ADCY4: variants seen among roughly 807,000 people sequenced by gnomAD.
ADCY4 encodes the protein adenylate cyclase type 4.
A neutral mutation model predicts 125.5 loss-of-function variants in ADCY4; 111 were observed. The observed-to-expected ratio is 0.88, with a 90% CI of 0.76 to 1.04. ADCY4 has a LOEUF of 1.04. Among genes scored for constraint, ADCY4 ranks in the 50% least tolerant of loss-of-function variants. The probability of loss-of-function intolerance (pLI) is 0.00; values close to 1 mark genes in which losing one functional copy is unlikely to be tolerated. For synonymous variants in ADCY4, 576 were observed against 586.9 expected (o/e 0.98, Z 0.27); for missense variants, 1,256 against 1,382.9 (o/e 0.91, Z 1.46).
chr14:24,319,626 G>C lies in ADCY4; in HGVS notation c.2733+116C>G, dbSNP rs2041822176. 7.3e-7 allele frequency: 1 copy of C among 1,365,408 alleles called. No individual in the cohort carries two copies. Among genetic ancestry groups the C allele is most frequent in the Admixed American group, 1.8e-5 (1 of 54,272 alleles). 84.6% of individuals were successfully genotyped at this position (1,365,408 alleles called of 1,614,324 possible). On this transcript the variant is annotated intron_variant, in intron 21 of 24. Coordinates refer to ENST00000418030, the MANE Select transcript of ADCY4 (RefSeq NM_001198568.2). The surrounding 1 kb of genome is among the most constrained non-coding windows in gnomAD (Gnocchi z 4.5). Reference sequence around the variant, plus strand: ...ATCTGGGGGATCAGAGGAGGTGAGGGAGTACTGTGGAGGGGAGGATTGACT... The same window carrying C: ...ATCTGGGGGATCAGAGGAGGTGAGGCAGTACTGTGGAGGGGAGGATTGACT...
intron 15 of ADCY4, 21 bp downstream of exon 15, chr14:24,324,286 C>T (rs1387576825): frequency 1.2e-6 from 2 of 1,613,970 alleles, no homozygotes; most frequent in African/African-American, 2.7e-5. Context: ...CATACCACTT[C>T]CACCCCTCAG....
chr14:24,331,209 T>C lies in ADCY4; in HGVS notation c.817A>G (p.Ser273Gly). Residue 273 changes from serine to glycine, a missense_variant and splice_region_variant, in exon 5 of 25, where the codon AGC becomes GGC. Coordinates refer to ENST00000418030, the MANE Select transcript of ADCY4 (RefSeq NM_001198568.2). ...SLYVKRHQGVSVLYADIVGFT... is the reference protein window; with the variant it reads ...SLYVKRHQGVGVLYADIVGFT... ...CCCTCCAGCCATTCTTCCTCATACC[T>C]GACTCCCTGGTGCCTCTTGACATAG... 6.2e-7 allele frequency: 1 copy of C among 1,614,164 alleles called. No homozygotes were observed. Among genetic ancestry groups the C allele is most frequent in the Non-Finnish European group, 8.5e-7 (1 of 1,179,998 alleles).
intron 10 of ADCY4, among the ~76,000 whole-genome samples, chr14:24,328,224 AGCGGGGTGGGGG>A (rs1287305242): frequency 2.0e-5 from 1 of 51,038 alleles, no homozygotes; most frequent in Non-Finnish European, 3.7e-5. Flanking sequence ...AGACCGGGAA[AGCGGGGTGGGGG>A]GGGGGGTCTC....
In ADCY4 at chr14:24,324,075, G is replaced by C. The variant is rs2041900506; in HGVS notation, c.2033C>G (p.Ala678Gly). ...CTCTGTCCTCACCAGGCTGGTAATG[G>C]CCATGGCAAAGACAAGGAGGATGGT... ...TATILLVFAM[A>G]ITSLFFFPTS... is the part of the protein sequence containing the mutation. The change falls in exon 16 of 25, where the codon GCC (alanine) becomes GGC (glycine). Residue 678 changes from alanine to glycine, a missense_variant. Coordinates refer to ENST00000418030, the MANE Select transcript of ADCY4 (RefSeq NM_001198568.2). The C allele has an allele frequency of 6.2e-7, 1 of 1,614,084 alleles. No homozygotes were observed. The highest frequency in any genetic ancestry group is 1.7e-5 in the Admixed American group (1 of 60,012).
Position 24,331,072 on chromosome 14 carries a change from C to A in ADCY4, c.876G>T (p.Lys292Asn). ...FTRLASECSP[K>N]ELVLMLNELF... ...GCTCATTGAGCATGAGCACCAGCTC[C>A]TTAGGGGAACACTCGCTGGCCAGCC... The change falls in exon 6 of 25, where the codon AAG (lysine) becomes AAT (asparagine). Residue 292 changes from lysine (K) to asparagine (N), a missense_variant. Coordinates refer to ENST00000418030, the MANE Select transcript of ADCY4 (RefSeq NM_001198568.2). The A allele has an allele frequency of 6.2e-7, 1 of 1,613,612 alleles. No individual in the cohort carries two copies. Among genetic ancestry groups the A allele is most frequent in the Non-Finnish European group, 8.5e-7 (1 of 1,179,590 alleles).
Position 24,319,990 on chromosome 14 carries a change from C to T in ADCY4, c.2587-102G>A. 4 of 1,399,820 alleles carry T rather than the reference C, an allele frequency of 2.9e-6. No homozygotes were observed. The highest frequency in any genetic ancestry group is 3.8e-6 in the Non-Finnish European group (4 of 1,039,420). 86.7% of individuals were successfully genotyped at this position (1,399,820 alleles called of 1,614,324 possible). A position where few individuals can be genotyped will look rare whatever the true frequency, so the allele number is the denominator to read the frequency against. On this transcript the variant is annotated intron_variant, in intron 20 of 24. Coordinates refer to ENST00000418030, the MANE Select transcript of ADCY4 (RefSeq NM_001198568.2). The surrounding 1 kb of genome is among the most constrained non-coding windows in gnomAD (Gnocchi z 4.5). ...TCCCCATGTCCACACTCCTGGTCTC[C>T]CTGTTTAAGAAGAATTGGGAAGGAG...
chr14:24,318,888 G>C, intron 23 of ADCY4, 110 bp from the exon 24 acceptor site: 46 of 1,460,554 alleles, frequency 3.1e-5, no homozygotes, highest in Non-Finnish European at 3.7e-5. Flanking sequence ...AGGAGAGGAG[G>C]GGTCTCTAAG....
Position 24,325,975 on chromosome 14 carries a change from G to T in ADCY4, c.1656-88C>A, listed in dbSNP as rs537869131. The T allele has an allele frequency of 1.3e-5, 20 of 1,585,246 alleles. No individual in the cohort carries two copies. In the African/African-American group the frequency reaches 1.6e-4, roughly 13 times the overall value. On this transcript the variant is annotated intron_variant, in intron 12 of 24. Coordinates refer to ENST00000418030, the MANE Select transcript of ADCY4 (RefSeq NM_001198568.2). ...GAGGGCAGAGTGAGGGCAAGAGGGG[G>T]TGGTCAGGCGAGTCTTCCCTCCAGC... is the stretch of plus-strand genomic sequence containing the variant.
Position 24,324,061 on chromosome 14 carries a change from C to G in ADCY4, c.2046+1G>C. 6.2e-7 allele frequency: 1 copy of G among 1,613,946 alleles called. No homozygotes were observed. Among genetic ancestry groups the G allele is most frequent in the East Asian group, 2.2e-5 (1 of 44,880 alleles). ...GTGGATAGGGCCCCCTCTGTCCTCA[C>G]CAGGCTGGTAATGGCCATGGCAAAG... On this transcript the variant is annotated splice_donor_variant, in intron 16 of 24. Transcript: ENST00000418030. LOFTEE classifies it high-confidence loss of function.
chr14:24,326,770 T>A (rs1212186885), intron 10 of ADCY4, among the ~76,000 whole-genome samples: 1 of 152,122 alleles, frequency 6.6e-6, no homozygotes, highest in Non-Finnish European at 1.5e-5. Flanking sequence ...ATTTTTGCAT[T>A]TTTAGTAGAG....
chr14:24,328,802 T>C, intron 10 of ADCY4: 1 of 473,802 alleles, frequency 2.1e-6, no homozygotes, highest in East Asian at 3.5e-5. Flanking sequence ...ACCGACCCTG[T>C]GGGGCTGGTC....
chr14:24,330,381 G>A, intron 6 of ADCY4, 86 bp from the exon 7 acceptor site: 1 of 1,583,178 alleles, frequency 6.3e-7, no homozygotes, highest in Non-Finnish European at 8.6e-7. Flanking sequence ...GCAGCGAGCG[G>A]GGTATTCCTG....
chr14:24,334,629 C>T lies in ADCY4; in HGVS notation c.24G>A (p.Arg8=). 4 of 1,554,446 alleles carry T rather than the reference C, an allele frequency of 2.6e-6. No individual in the cohort carries two copies. Among genetic ancestry groups the T allele is most frequent in the Non-Finnish European group, 3.5e-6 (4 of 1,151,974 alleles). The part of the protein sequence containing the change: MARLFSP[R]PPPSEDLFYE... ...AGAAGAGGTCTTCGCTGGGGGGCGG[C>T]CGGGGGCTGAAGAGGCGGGCCATGA... The change falls in exon 1 of 25, where the codon CGG becomes CGA. Residue 8 remains arginine, a synonymous_variant. Coordinates refer to ENST00000418030, the MANE Select transcript of ADCY4 (RefSeq NM_001198568.2).
At position 24,319,756 on chromosome 14, in the gene ADCY4, C is replaced by T; in HGVS notation, c.2719G>A (p.Ala907Thr). 1 of 1,614,130 alleles carries T rather than the reference C, an allele frequency of 6.2e-7. No homozygotes were observed. The highest frequency in any genetic ancestry group is 8.5e-7 in the Non-Finnish European group (1 of 1,180,036). The change falls in exon 21 of 25, where the codon GCT (alanine) becomes ACT (threonine). Residue 907 changes from alanine to threonine, a missense_variant. Transcript: ENST00000418030. The surrounding 1 kb of genome is among the most constrained non-coding windows in gnomAD (Gnocchi z 4.5). The part of the protein sequence containing the change: ...ECLRLLNEII[A>T]DFDELLSKPK... ...GGAATTTTCACCTCATCAAAATCAG[C>T]AATTATCTCATTGAGCAGCCTCAGA...
At chr14:24,326,725 C>G (rs540597621) in intron 10 of ADCY4, among the ~76,000 whole-genome samples, 1 of 152,004 alleles carries the variant, frequency 6.6e-6, no homozygotes, top group South Asian at 2.1e-4. Context: ...TTCCAGGTGG[C>G]TGGGATTACA....
chr14:24,331,434 C>T, intron 4 of ADCY4, 78 bp from the exon 5 acceptor site: 1 of 1,575,554 alleles, frequency 6.3e-7, no homozygotes, highest in South Asian at 1.1e-5. Context: ...CACTCAGGAG[C>T]CCACACTGCC....
rs1220872850 is a variant in ADCY4, at chr14:24,332,929, C to G, written c.219G>C (p.Ser73=). 5.6e-6 allele frequency: 9 copies of G among 1,596,352 alleles called. No homozygotes were observed. The highest frequency in any genetic ancestry group is 7.7e-6 in the Non-Finnish European group (9 of 1,170,388). The part of the protein sequence containing the change: ...TTVLCALGGF[S]LLLGLASREQ... ...CCCGGGAAGCGAGGCCCAGCAGCAG[C>G]GAGAAGCCGCCCAGCGCGCACAGCA... Residue 73 remains serine (S), a synonymous_variant, in exon 2 of 25, where the codon TCG becomes TCC. Coordinates refer to ENST00000418030, the MANE Select transcript of ADCY4 (RefSeq NM_001198568.2).
rs1278947668 is a variant in ADCY4, at chr14:24,319,597, G to A, written c.2733+145C>T. ...GTGGTGGGCAGTGTTGCTGGAGTGG[G>A]TAGATCTGGGGGATCAGAGGAGGTG... On this transcript the variant is annotated intron_variant, in intron 21 of 24. Transcript: ENST00000418030. The surrounding 1 kb of genome is among the most constrained non-coding windows in gnomAD (Gnocchi z 4.5). 3.2e-6 allele frequency: 4 copies of A among 1,243,986 alleles called. No individual in the cohort carries two copies. Among genetic ancestry groups the A allele is most frequent in the Admixed American group, 4.0e-5 (2 of 49,604 alleles). 77.1% of individuals were successfully genotyped at this position (1,243,986 alleles called of 1,614,324 possible).
At chr14:24,324,574 G>C (rs540209664) in intron 14 of ADCY4, among the ~76,000 whole-genome samples, 183 bp from the exon 15 acceptor site, 1 of 152,320 alleles carries the variant, frequency 6.6e-6, no homozygotes, top group South Asian at 2.1e-4. Context: ...CTGGCTTAAG[G>C]GTCTAGAGCA....
Sources: allele counts gnomAD v4.1 joint callset (sites outside exome capture counted in the v4.1 genomes callset), GRCh38; gene constraint gnomAD v4.1.1; non-coding constraint Gnocchi (gnomAD v3.1); transcripts MANE v1.5; gene names NCBI Gene and HGNC (gene_info 2026-07-23, HGNC 2026-07-21).